PVALEF: variants seen among roughly 807,000 people sequenced by gnomAD.
PVALEF encodes parvalbumin-like EF-hand-containing protein.
A neutral mutation model predicts 1.2 loss-of-function variants in PVALEF; 2 were observed. The ratio of observed to expected loss-of-function variants is 1.68; its 90% CI spans 0.69 to 5.28. The LOEUF (loss-of-function observed/expected upper bound fraction) is 5.28, where lower values mean the gene tolerates loss of function less well. Ranked by LOEUF, PVALEF falls within the 30% of genes most tolerant of loss-of-function variation. The probability of loss-of-function intolerance (pLI) is 0.06; values close to 1 mark genes in which losing one functional copy is unlikely to be tolerated. For synonymous variants in PVALEF, 16 were observed against 6.5 expected, an observed-to-expected ratio of 2.47 and a Z score of -2.24; for missense variants, 35 against 17.7, an observed-to-expected ratio of 1.97 and a Z score of -1.75.
chr17:81,168,928 A>G (rs1162047824), intron 2 of PVALEF, among the ~76,000 whole-genome samples: 1 of 152,242 alleles, frequency 6.6e-6, no homozygotes, highest in Admixed American at 6.5e-5. Context: ...CATACGATGC[A>G]ATGGTATTGG....
chr17:81,169,556 C>T (rs1165782724), intron 2 of PVALEF, among the ~76,000 whole-genome samples: 1 of 152,194 alleles, frequency 6.6e-6, no homozygotes, highest in East Asian at 1.9e-4. Flanking sequence ...CGAGATGGCG[C>T]CACTGCACAT....
intron 3 of PVALEF, 141 bp downstream of exon 3, chr17:81,179,293 G>A (rs903528528): frequency 1.2e-5 from 3 of 245,340 alleles, no homozygotes; most frequent in African/African-American, 4.6e-5. Flanking sequence ...GGGAGGTGGG[G>A]AAATGGGGTG....
At chr17:81,180,050 G>A (rs776079571) in intron 3 of PVALEF, among the ~76,000 whole-genome samples, 5 of 152,158 alleles carry the variant, frequency 3.3e-5, no homozygotes, top group African/African-American at 9.7e-5. Flanking sequence ...CCCGGGCCGC[G>A]GATGCACGAG....
chr17:81,165,683 T>C lies in PVALEF; in HGVS notation c.-572T>C, dbSNP rs1034163059. ...GCAGGCCCTCCGTGCCCCAGTTACC[T>C]GTGCCCTGGAGGCAGCCACGGAGTC... is the stretch of plus-strand genomic sequence containing the variant. On this transcript the variant is annotated 5_prime_UTR_variant, in exon 1 of 7. Transcript: ENST00000637878. The C allele has an allele frequency of 1.3e-6, 2 of 1,511,746 alleles. No individual in the cohort carries two copies. The highest frequency in any genetic ancestry group is 1.2e-5 in the South Asian group (1 of 82,982). 93.6% of individuals were successfully genotyped at this position (1,511,746 alleles called of 1,614,324 possible).
In PVALEF at chr17:81,166,699, C is replaced by G. The variant is rs1345958035; in HGVS notation, c.-485C>G. Reference sequence around the variant, plus strand: ...CAGGTTTCGAGGCGGCTGGCAGCCGCCCCCCCACCCCATGCCCTTTGGGTG... The same window carrying G: ...CAGGTTTCGAGGCGGCTGGCAGCCGGCCCCCCACCCCATGCCCTTTGGGTG... On this transcript the variant is annotated 5_prime_UTR_variant, in exon 2 of 7. Transcript: ENST00000637878. 2.2e-6 allele frequency: 1 copy of G among 448,468 alleles called. No individual in the cohort carries two copies. Among genetic ancestry groups the G allele is most frequent in the Admixed American group, 2.4e-5 (1 of 42,268 alleles). The allele number at this position is 448,468 out of a possible 1,614,324, so 27.8% of individuals were successfully genotyped here.
intron 2 of PVALEF, among the ~76,000 whole-genome samples, chr17:81,169,125 G>A (rs1173947854): frequency 2.0e-5 from 3 of 152,210 alleles, no homozygotes; most frequent in Admixed American, 6.5e-5. Flanking sequence ...CCAGAGCCGG[G>A]AGAGGGGCAA....
chr17:81,169,658 C>T (rs1179778734), intron 2 of PVALEF, among the ~76,000 whole-genome samples: 3 of 152,182 alleles, frequency 2.0e-5, no homozygotes, highest in African/African-American at 7.2e-5. Context: ...CTTCCGGCTA[C>T]TGGTGGCCCT....
intron 2 of PVALEF, 132 bp downstream of exon 2, chr17:81,166,976 C>T (rs1216886725): frequency 3.3e-6 from 1 of 306,348 alleles, no homozygotes; most frequent in African/African-American, 2.2e-5. Flanking sequence ...CCCAGCCTGC[C>T]CCCGTGGGAG....
chr17:81,180,727 G>A (rs1311530999), intron 3 of PVALEF, among the ~76,000 whole-genome samples: 1 of 152,140 alleles, frequency 6.6e-6, no homozygotes, highest in African/African-American at 2.4e-5. Flanking sequence ...TTGACCTATG[G>A]CCTCTCTATC....
At chr17:81,180,679 C>T (rs1408407149) in intron 3 of PVALEF, among the ~76,000 whole-genome samples, 3 of 152,034 alleles carry the variant, frequency 2.0e-5, no homozygotes, top group African/African-American at 7.2e-5. Context: ...AACTGGCGCT[C>T]CTCACACCTC....
chr17:81,178,315 G>A (rs1310705633), intron 2 of PVALEF, among the ~76,000 whole-genome samples: 1 of 152,138 alleles, frequency 6.6e-6, no homozygotes, highest in East Asian at 1.9e-4. Context: ...CCGGCAGACA[G>A]CCCCATCCCT....
rs1178879910 is a variant in PVALEF at position 81,178,594 on chromosome 17, C to CA, written c.-339-323dup. Among the ~76,000 whole-genome samples the CA allele has an allele frequency of 2.0e-5, 3 of 152,216 alleles. No individual in the cohort carries two copies. The East Asian group carries it at 5.8e-4, about 29-fold the overall frequency. On this transcript the variant is annotated intron_variant, in intron 2 of 6. Transcript: ENST00000637878. ...GCCCCTTCCACCCGGCCCAAGCCCG[C>CA]AGGCTGGGCCGCAGCACCCACTCGG...
chr17:81,169,548 A>G (rs201394617), intron 2 of PVALEF, among the ~76,000 whole-genome samples: 1 of 152,216 alleles, frequency 6.6e-6, no homozygotes, highest in East Asian at 1.9e-4. Flanking sequence ...CAGTGAGCCG[A>G]GATGGCGCCA....
chr17:81,170,394 G>A (rs2061516896), intron 2 of PVALEF, among the ~76,000 whole-genome samples: 1 of 151,904 alleles, frequency 6.6e-6, no homozygotes, highest in Admixed American at 6.6e-5. Flanking sequence ...CTCTCCTCTC[G>A]TTATCAGGCC....
intron 2 of PVALEF, among the ~76,000 whole-genome samples, chr17:81,170,352 CGTGT>C (rs1418160919): frequency 2.4e-4 from 36 of 150,346 alleles, no homozygotes; most frequent in Admixed American, 5.3e-4. Flanking sequence ...TGTGTAGGTG[CGTGT>C]GTGTCTGTGC....
intron 2 of PVALEF, among the ~76,000 whole-genome samples, chr17:81,175,122 C>T (rs1304182331): frequency 6.6e-6 from 1 of 152,114 alleles, no homozygotes; most frequent in Non-Finnish European, 1.5e-5. Flanking sequence ...AATGGATAAC[C>T]TGAAAAGGAT....
chr17:81,165,857 C>A, intron 1 of PVALEF, 110 bp downstream of exon 1: 3 of 1,532,716 alleles, frequency 2.0e-6, no homozygotes, highest in Admixed American at 4.1e-5. Context: ...TCCATGCAAA[C>A]CGGGAGCCGT....
intron 1 of PVALEF, 69 bp from the exon 2 acceptor site, chr17:81,166,608 C>A: frequency 2.3e-6 from 1 of 439,630 alleles, no homozygotes; most frequent in Non-Finnish European, 4.6e-6. Context: ...TTCAGGGAGA[C>A]AGGTGGGGGA....
chr17:81,176,210 G>A (rs1411590241), intron 2 of PVALEF, among the ~76,000 whole-genome samples: 1 of 152,114 alleles, frequency 6.6e-6, no homozygotes, highest in African/African-American at 2.4e-5. Flanking sequence ...TAATCATGAG[G>A]GAAATGGAAA....
Sources: allele counts gnomAD v4.1 joint callset (sites outside exome capture counted in the v4.1 genomes callset), GRCh38; gene constraint gnomAD v4.1.1; transcripts MANE v1.5; gene names NCBI Gene and HGNC (gene_info 2026-07-23, HGNC 2026-07-21).